SCFD2: variants seen among roughly 807,000 people sequenced by gnomAD.
SCFD2 encodes sec1 family domain containing 2.
SCFD2 carries 54 observed loss-of-function variants against 58.9 expected under a neutral mutation model. The observed-to-expected ratio is 0.92, with a 90% CI of 0.74 to 1.15. SCFD2 has a LOEUF of 1.15. SCFD2 is among the 50% of genes most tolerant of loss of function. The pLI is 0.00. For synonymous variants in SCFD2, 321 were observed against 335.9 expected, an observed-to-expected ratio of 0.96 and a Z score of 0.49; for missense variants, 805 against 836.6, an observed-to-expected ratio of 0.96 and a Z score of 0.47.
chr4:53,304,833 G>A (rs1732463077), intron 3 of SCFD2, among the ~76,000 whole-genome samples: 2 of 152,042 alleles, frequency 1.3e-5, no homozygotes, highest in African/African-American at 4.8e-5. Flanking sequence ...CTGTCAATTT[G>A]TCAAACTCAT....
At chr4:53,139,027 C>T (rs1166902523) in intron 5 of SCFD2, among the ~76,000 whole-genome samples, 2 of 152,174 alleles carry the variant, frequency 1.3e-5, no homozygotes, top group African/African-American at 4.8e-5. Context: ...CGCGCCGCCA[C>T]GCGTGACTGG....
chr4:53,347,882 G>A (rs558400346), intron 2 of SCFD2, among the ~76,000 whole-genome samples: 20 of 152,368 alleles, frequency 1.3e-4, no homozygotes, highest in African/African-American at 4.6e-4. Flanking sequence ...CACTGCAGGT[G>A]CAGGGTTAGC....
chr4:53,006,278 T>C (rs1560507723), intron 5 of SCFD2, among the ~76,000 whole-genome samples: 1 of 152,218 alleles, frequency 6.6e-6, no homozygotes. Flanking sequence ...TCAACTTCTT[T>C]GAAACTTCCT....
chr4:53,314,098 A>G (rs1732785478), intron 2 of SCFD2, among the ~76,000 whole-genome samples: 1 of 152,208 alleles, frequency 6.6e-6, no homozygotes, highest in African/African-American at 2.4e-5. Context: ...AGTAATATAA[A>G]TGTTATATAA....
chr4:52,937,439 GTGGAC>G (rs1309460885), intron 5 of SCFD2, among the ~76,000 whole-genome samples: 3 of 152,210 alleles, frequency 2.0e-5, no homozygotes, highest in Non-Finnish European at 4.4e-5. Flanking sequence ...AGGCTGATAA[GTGGAC>G]TTACGTGGGG....
chr4:53,261,549 T>G (rs1401404541), intron 4 of SCFD2, among the ~76,000 whole-genome samples: 1 of 152,170 alleles, frequency 6.6e-6, no homozygotes, highest in East Asian at 1.9e-4. Context: ...CCTTTTGGAG[T>G]TGACTTCCAA....
chr4:53,195,774 C>T (rs77598197), intron 4 of SCFD2, among the ~76,000 whole-genome samples: 2,426 of 152,174 alleles, frequency 0.016, 37 homozygotes, highest in Non-Finnish European at 0.025. Flanking sequence ...AGTGATAGTG[C>T]CCTGTTATTA....
At chr4:53,047,410 T>C (rs1723069564) in intron 5 of SCFD2, among the ~76,000 whole-genome samples, 1 of 152,168 alleles carries the variant, frequency 6.6e-6, no homozygotes, top group Non-Finnish European at 1.5e-5. Flanking sequence ...ATCACACCAC[T>C]GCACTCCAGC....
chr4:53,250,509 G>C (rs1019660515), intron 4 of SCFD2, among the ~76,000 whole-genome samples: 2 of 152,114 alleles, frequency 1.3e-5, no homozygotes, highest in African/African-American at 4.8e-5. Context: ...GCTCTCCTCA[G>C]CAAATGTAAA....
chr4:52,959,934 C>T (rs1013763757), intron 5 of SCFD2, among the ~76,000 whole-genome samples: 3 of 115,096 alleles, frequency 2.6e-5, no homozygotes, highest in African/African-American at 1.1e-4. Flanking sequence ...ACTTGAATCA[C>T]CTATACAGAA....
chr4:53,339,434 T>C (rs756761821), intron 2 of SCFD2, among the ~76,000 whole-genome samples: 7 of 151,720 alleles, frequency 4.6e-5, no homozygotes, highest in Non-Finnish European at 8.8e-5. Context: ...AAGTAATATC[T>C]AGTGTAACTA....
At chr4:52,891,812 A>C (rs1268542653) in intron 7 of SCFD2, among the ~76,000 whole-genome samples, 1 of 152,216 alleles carries the variant, frequency 6.6e-6, no homozygotes. Flanking sequence ...CATCTGCTGC[A>C]GTTGATGACT....
In SCFD2 at chr4:53,254,222, C is replaced by G. The variant is rs566848441; in HGVS notation, c.1311+19604G>C. Among the ~76,000 whole-genome samples, 5 of 152,222 alleles carry G rather than the reference C, an allele frequency of 3.3e-5. No homozygotes were observed. In the East Asian group the frequency reaches 7.7e-4, roughly 24 times the overall value. On this transcript the variant is annotated intron_variant, in intron 4 of 8. Coordinates refer to ENST00000401642, the MANE Select transcript of SCFD2 (RefSeq NM_152540.4). ...TGAATCGTAATCCCCATAATCCTCA[C>G]GTGTCAAAAGCAGGACCAGGTGGAG...
intron 5 of SCFD2, among the ~76,000 whole-genome samples, chr4:53,047,579 A>G (rs542142925): frequency 1.3e-5 from 2 of 152,334 alleles, no homozygotes; most frequent in Admixed American, 6.5e-5. Flanking sequence ...CACGCACACT[A>G]ATGCACACAC....
intron 4 of SCFD2, among the ~76,000 whole-genome samples, chr4:53,266,424 G>A (rs1730985700): frequency 6.6e-6 from 1 of 151,878 alleles, no homozygotes; most frequent in Non-Finnish European, 1.5e-5. Flanking sequence ...TGTATTATGT[G>A]TATTAATACA....
intron 5 of SCFD2, among the ~76,000 whole-genome samples, chr4:53,002,640 A>C (rs1278421012): frequency 6.6e-6 from 1 of 152,318 alleles, no homozygotes; most frequent in South Asian, 2.1e-4. Context: ...ATGGGCAAAG[A>C]AAAGACAATC....
intron 5 of SCFD2, among the ~76,000 whole-genome samples, chr4:53,014,357 C>T (rs567844884): frequency 1.3e-5 from 2 of 152,228 alleles, no homozygotes; most frequent in Non-Finnish European, 2.9e-5. Context: ...TAGTCAGAGT[C>T]TCTGATTTTC....
intron 2 of SCFD2, among the ~76,000 whole-genome samples, chr4:53,324,196 C>T (rs1419661464): frequency 1.3e-5 from 2 of 151,996 alleles, no homozygotes; most frequent in Admixed American, 6.6e-5. Context: ...GCAGGAGGAT[C>T]GCTTGAGGCC....
At chr4:53,072,287 G>C (rs190776303) in intron 5 of SCFD2, among the ~76,000 whole-genome samples, 2 of 152,126 alleles carry the variant, frequency 1.3e-5, no homozygotes, top group Admixed American at 6.6e-5. Context: ...CAGATAGTGA[G>C]GATAAAAGAG....
Sources: gnomAD v4.1 joint callset for allele counts (sites outside exome capture counted in the v4.1 genomes callset) on GRCh38, gnomAD v4.1.1 for gene constraint, MANE v1.5 for transcripts, NCBI Gene and HGNC (gene_info 2026-07-23, HGNC 2026-07-21) for gene names.